Variants in ERI1 observed in about 807,000 individuals in gnomAD.
ERI1 encodes the protein 3'-5' exoribonuclease 1.
ERI1 carries 39 observed loss-of-function variants against 39.7 expected under a neutral mutation model. The observed-to-expected ratio is 0.98, with a 90% confidence interval of 0.76 to 1.28. The LOEUF is 1.28. ERI1 is among the 50% of genes most tolerant of loss of function. The probability of loss-of-function intolerance (pLI) is 0.00; values close to 1 mark genes in which losing one functional copy is unlikely to be tolerated. For missense variants in ERI1, 581 were observed against 416.9 expected (o/e 1.39, Z -3.43); for synonymous variants, 204 against 149.6 (o/e 1.36, Z -2.65).
At chr8:9,042,560 C>T (rs1162328412) in intron 3 of ERI1, among the ~76,000 whole-genome samples, 7 of 152,142 alleles carry the variant, frequency 4.6e-5, no homozygotes, top group African/African-American at 1.4e-4. Context: ...GAGGAGGTAG[C>T]GTCATTTGTC....
intron 6 of ERI1, 120 bp downstream of exon 6, chr8:9,020,584 C>T (rs957618411): frequency 1.1e-5 from 7 of 616,732 alleles, no homozygotes; most frequent in East Asian, 5.9e-5. Flanking sequence ...ATAATTAGTT[C>T]TTACTCTTCA....
At chr8:9,058,868 A>C (rs1798598007) in intron 3 of ERI1, among the ~76,000 whole-genome samples, 1 of 148,002 alleles carries the variant, frequency 6.8e-6, no homozygotes, top group African/African-American at 2.5e-5. Context: ...TAAATAAATA[A>C]ATCTTTTATC....
chr8:9,040,503 C>T lies in ERI1; in HGVS notation n.299+20039C>T, dbSNP rs143428404. Among the ~76,000 whole-genome samples, 630 of 152,160 alleles carry T rather than the reference C, an allele frequency of 4.1e-3. 2 individuals are homozygous for T. The highest frequency in any genetic ancestry group is 6.3e-3 in the Non-Finnish European group (428 of 68,010). On this transcript the variant is annotated intron_variant and non_coding_transcript_variant, in intron 3 of 3. Coordinates refer to the ERI1 transcript ENST00000518663. ...AACGGAAGAAATAGTGTGGATGCCA[C>T]GGTTTTGCTTTTGTTAGAGGGCTGT...
chr8:9,015,864 G>A (rs533811855), intron 3 of ERI1, among the ~76,000 whole-genome samples: 1 of 151,922 alleles, frequency 6.6e-6, no homozygotes, highest in East Asian at 1.9e-4. Flanking sequence ...TAGTTCAATT[G>A]GATTTTTATA....
chr8:9,067,100 G>A (rs1366319219), intron 3 of ERI1, among the ~76,000 whole-genome samples: 2 of 152,150 alleles, frequency 1.3e-5, no homozygotes, highest in African/African-American at 4.8e-5. Flanking sequence ...AAAATCGCAT[G>A]AGTCTCCAAA....
At chr8:9,083,493 G>T (rs1263460383) in intron 3 of ERI1, among the ~76,000 whole-genome samples, 2 of 152,136 alleles carry the variant, frequency 1.3e-5, no homozygotes, top group Non-Finnish European at 2.9e-5. Flanking sequence ...TACCAAAGAA[G>T]AGAGAACAGT....
At position 9,021,708 on chromosome 8, in the gene ERI1, A is replaced by G. The variant is rs189901601; in HGVS notation, c.807+1244A>G. 7.2e-3 allele frequency among the ~76,000 whole-genome samples: 1,072 copies of G among 149,098 alleles called. 11 individuals are homozygous for G. Among genetic ancestry groups the G allele is most frequent in the African/African-American group, 0.026 (1,032 of 40,248 alleles). On this transcript the variant is annotated intron_variant, in intron 6 of 6. Transcript: ENST00000250263. ...ATTTAAATGTATATCCTTATATTAT[A>G]TAGTTTTGTCTGGCTTTGAGCACGA...
At chr8:9,054,731 G>T (rs745604307) in intron 3 of ERI1, among the ~76,000 whole-genome samples, 1 of 152,186 alleles carries the variant, frequency 6.6e-6, no homozygotes, top group African/African-American at 2.4e-5. Context: ...TTGAGATCAG[G>T]CTGGCCAACA....
intron 3 of ERI1, among the ~76,000 whole-genome samples, chr8:9,012,056 T>A (rs1816730948): frequency 6.6e-6 from 1 of 152,176 alleles, no homozygotes; most frequent in South Asian, 2.1e-4. Context: ...CTAATGATAC[T>A]GATGCCTGGC....
intron 2 of ERI1, chr8:9,008,926 C>T: frequency 4.5e-6 from 2 of 443,356 alleles, no homozygotes; most frequent in Non-Finnish European, 9.0e-6. Flanking sequence ...TTTAGAGTTT[C>T]ACCACTCTTC....
Position 9,016,303 on chromosome 8 carries a change from T to C in ERI1, c.499-19T>C. The C allele has an allele frequency of 6.5e-7, 1 of 1,533,496 alleles. No homozygotes were observed. Among genetic ancestry groups the C allele is most frequent in the African/African-American group, 1.4e-5 (1 of 72,696 alleles). The allele number at this position is 1,533,496 out of a possible 1,614,324, so 95.0% of individuals were successfully genotyped here. ...TTAACTCATATAAATTACTTTAACT[T>C]GCTATCCTTCCCTTGCAGGAAGACA... On this transcript the variant is annotated intron_variant, in intron 3 of 6. Coordinates refer to ENST00000250263, the MANE Select transcript of ERI1 (RefSeq NM_153332.4).
At chr8:9,014,730 T>A (rs933504759) in intron 3 of ERI1, among the ~76,000 whole-genome samples, 1 of 152,244 alleles carries the variant, frequency 6.6e-6, no homozygotes, top group Non-Finnish European at 1.5e-5. Context: ...ATAGTGATAC[T>A]TAAAAGGATA....
intron 3 of ERI1, among the ~76,000 whole-genome samples, chr8:9,092,907 A>AATCTGTTCAGGCCTGTCTCCTGGCTTCTG (rs1799752809): frequency 6.6e-6 from 1 of 152,116 alleles, no homozygotes; most frequent in Non-Finnish European, 1.5e-5. Context: ...TGGGAGGGAG[A>AATCTGTTCAGGCCTGTCTCCTGGCTTCTG]ATCTGTTCAG....
At chr8:9,006,857 G>C (rs1490347777) in intron 1 of ERI1, among the ~76,000 whole-genome samples, 1 of 152,126 alleles carries the variant, frequency 6.6e-6, no homozygotes, top group Non-Finnish European at 1.5e-5. Context: ...ATTAAATTGA[G>C]AGCTTAGAGT....
intron 6 of ERI1, among the ~76,000 whole-genome samples, chr8:9,028,597 G>T (rs541448994): frequency 6.6e-6 from 1 of 152,174 alleles, no homozygotes; most frequent in South Asian, 2.1e-4. Flanking sequence ...AACAAATCTT[G>T]ATAGAAATAT....
chr8:9,057,029 C>T (rs1798529359), intron 3 of ERI1, among the ~76,000 whole-genome samples: 1 of 152,152 alleles, frequency 6.6e-6, no homozygotes, highest in Non-Finnish European at 1.5e-5. Flanking sequence ...GGTGGGGTTT[C>T]AACACGTTGG....
intron 3 of ERI1, among the ~76,000 whole-genome samples, chr8:9,070,834 G>C (rs918654496): frequency 8.5e-5 from 13 of 152,204 alleles, no homozygotes; most frequent in African/African-American, 3.1e-4. Flanking sequence ...GGATGAATTA[G>C]TTTGAAATCT....
intron 3 of ERI1, among the ~76,000 whole-genome samples, chr8:9,012,774 G>T (rs1042835910): frequency 2.4e-4 from 37 of 152,144 alleles, no homozygotes; most frequent in African/African-American, 8.5e-4. Flanking sequence ...TTCACACTGT[G>T]TAAAAACTTC....
rs776650566 is a variant in ERI1, at chr8:9,033,057, A to G, written c.*3023A>G. ...GTTGATACATGAAGGACAGCATTAC[A>G]TCTTTTTTCTATTATACTTAGAAAT... On this transcript the variant is annotated 3_prime_UTR_variant, in exon 7 of 7. Transcript: ENST00000250263. 1 of 152,186 alleles carries G rather than the reference A, an allele frequency of 6.6e-6. No homozygotes were observed. The highest frequency in any genetic ancestry group is 1.9e-4 in the East Asian group (1 of 5,200). 9.4% of individuals were successfully genotyped at this position (152,186 alleles called of 1,614,324 possible).
Sources: allele counts gnomAD v4.1 joint callset (sites outside exome capture counted in the v4.1 genomes callset), GRCh38; gene constraint gnomAD v4.1.1; transcripts MANE v1.5; gene names NCBI Gene and HGNC (gene_info 2026-07-23, HGNC 2026-07-21).